Variants in TMEM130 observed in about 807,000 individuals in gnomAD.
TMEM130 encodes transmembrane protein 130.
A neutral mutation model predicts 42.9 loss-of-function variants in TMEM130; 37 were observed. That is an observed-to-expected ratio of 0.86 (90% confidence interval 0.66 to 1.13). TMEM130 has a LOEUF of 1.13. Among genes scored for constraint, TMEM130 ranks in the 50% most tolerant of loss-of-function variants. The probability of loss-of-function intolerance (pLI) is 0.00; values close to 1 mark genes in which losing one functional copy is unlikely to be tolerated. For missense variants in TMEM130, 545 were observed against 562.6 expected, an observed-to-expected ratio of 0.97 and a Z score of 0.32; for synonymous variants, 259 against 237.7, an observed-to-expected ratio of 1.09 and a Z score of -0.82.
chr7:98,853,256 C>A (rs1794552557), intron 5 of TMEM130, among the ~76,000 whole-genome samples: 1 of 152,166 alleles, frequency 6.6e-6, no homozygotes, highest in South Asian at 2.1e-4. Context: ...GTTCATCTTC[C>A]TCTTCCCCTG....
intron 5 of TMEM130, among the ~76,000 whole-genome samples, chr7:98,854,624 C>T (rs182350362): frequency 2.2e-4 from 33 of 152,314 alleles, no homozygotes; most frequent in Middle Eastern, 3.4e-3. Flanking sequence ...GTAGTTCCAG[C>T]CACCCAGGAG....
At chr7:98,861,514 A>G (rs1450873536) in intron 2 of TMEM130, among the ~76,000 whole-genome samples, 1 of 152,128 alleles carries the variant, frequency 6.6e-6, no homozygotes, top group East Asian at 1.9e-4. Flanking sequence ...CAGGAGTTTG[A>G]GACCAGCCTG....
At chr7:98,855,818 TCAGCCACTGCA>T (rs1323014425) in intron 4 of TMEM130, among the ~76,000 whole-genome samples, 188 bp downstream of exon 4, 1 of 152,186 alleles carries the variant, frequency 6.6e-6, no homozygotes, top group African/African-American at 2.4e-5. Flanking sequence ...CAAGGGCCGC[TCAGCCACTGCA>T]CAGCCACATG....
chr7:98,861,304 C>CTCCA (rs1294940766), intron 2 of TMEM130, among the ~76,000 whole-genome samples: 1 of 152,010 alleles, frequency 6.6e-6, no homozygotes, highest in African/African-American at 2.4e-5. Flanking sequence ...CGCCACTGCA[C>CTCCA]TCCAGCCTGG....
In TMEM130 at chr7:98,848,046, G is replaced by C. The variant is rs529489813; in HGVS notation, c.*10C>G. 6.2e-7 allele frequency: 1 copy of C among 1,609,992 alleles called. No individual in the cohort carries two copies. Among genetic ancestry groups the C allele is most frequent in the East Asian group, 2.2e-5 (1 of 44,836 alleles). The stretch of plus-strand genomic sequence containing the variant: ...AGTTAACACTGAGATGGGGTGGGGA[G>C]GGGGAGTGCTCACACGGTGTAAGTT... On this transcript the variant is annotated 3_prime_UTR_variant, in exon 8 of 8. Coordinates refer to ENST00000339375, the MANE Select transcript of TMEM130 (RefSeq NM_152913.3).
rs1299892133 is a variant in TMEM130 at position 98,869,281 on chromosome 7, C to T, written c.85+496G>A. 1 of 1,287,848 alleles carries T rather than the reference C, an allele frequency of 7.8e-7. No homozygotes were observed. Among genetic ancestry groups the T allele is most frequent in the Admixed American group, 2.3e-5 (1 of 43,282 alleles). 79.8% of individuals were successfully genotyped at this position (1,287,848 alleles called of 1,614,324 possible). A position where few individuals can be genotyped will look rare whatever the true frequency, so the allele number is the denominator to read the frequency against. On this transcript the variant is annotated intron_variant, in intron 1 of 7. Coordinates refer to ENST00000339375, the MANE Select transcript of TMEM130 (RefSeq NM_152913.3). This position sits in a 1 kb window ranked among gnomAD's most constrained non-coding sequence, Gnocchi z 4.7. ...AAATGGCAGCCTGGCCTCCTGGGCT[C>T]TAAATTCGCATCTCCCCAAAGCCAG...
Position 98,869,252 on chromosome 7 carries a change from G to T in TMEM130, c.85+525C>A. On this transcript the variant is annotated intron_variant, in intron 1 of 7. Transcript: ENST00000339375. The surrounding 1 kb of genome is among the most constrained non-coding windows in gnomAD (Gnocchi z 4.7). The stretch of plus-strand genomic sequence containing the variant: ...GTCCATTTTGGAAATCACCACCAGA[G>T]AGGAAATGGCAGCCTGGCCTCCTGG... The T allele has an allele frequency of 7.8e-7, 1 of 1,289,070 alleles. No individual in the cohort carries two copies. The highest frequency in any genetic ancestry group is 1.0e-6 in the Non-Finnish European group (1 of 988,748). 79.9% of individuals were successfully genotyped at this position (1,289,070 alleles called of 1,614,324 possible).
intron 6 of TMEM130, among the ~76,000 whole-genome samples, chr7:98,851,061 G>A (rs1794490464): frequency 6.6e-6 from 1 of 152,072 alleles, no homozygotes; most frequent in African/African-American, 2.4e-5. Context: ...TGGCAATGGT[G>A]GTCCTGGAAG....
intron 3 of TMEM130, among the ~76,000 whole-genome samples, chr7:98,858,312 G>T (rs898232050): frequency 1.3e-5 from 2 of 152,258 alleles, no homozygotes; most frequent in African/African-American, 4.8e-5. Flanking sequence ...AGGCTGAGGC[G>T]GGAGGATGGC....
At chr7:98,860,756 A>C (rs2116111469) in intron 2 of TMEM130, among the ~76,000 whole-genome samples, 1 of 151,920 alleles carries the variant, frequency 6.6e-6, no homozygotes, top group Admixed American at 6.6e-5. Flanking sequence ...CAGCCTGGCC[A>C]AGATGGTGAA....
intron 5 of TMEM130, among the ~76,000 whole-genome samples, chr7:98,853,479 T>G (rs2116079269): frequency 6.6e-6 from 1 of 152,190 alleles, no homozygotes. Flanking sequence ...AATACAAAAA[T>G]TAGCCCAGCG....
chr7:98,868,392 C>T (rs1029699027), intron 1 of TMEM130, among the ~76,000 whole-genome samples: 25 of 152,186 alleles, frequency 1.6e-4, no homozygotes, highest in African/African-American at 6.0e-4. Flanking sequence ...CAAAGCTTGG[C>T]CCATGGAAGA....
Position 98,856,151 on chromosome 7 carries a change from T to C in TMEM130, c.584A>G (p.Tyr195Cys), listed in dbSNP as rs781825119. 3.1e-6 allele frequency: 5 copies of C among 1,613,838 alleles called. No homozygotes were observed. The highest frequency in any genetic ancestry group is 1.1e-5 in the South Asian group (1 of 91,076). ...GGTCCCGATGATGGAATAGTTATAA[T>C]AGACCACGGAGTCTTCAGTCACCAT... Reference protein sequence around the residue: ...TQMVTEDSVVYYNYSIIGTFT... With the variant: ...TQMVTEDSVVCYNYSIIGTFT... Residue 195 changes from tyrosine to cysteine, a missense_variant, in exon 4 of 8, where the codon TAT becomes TGT. By Grantham distance (194) the Tyr-to-Cys change is radical. Transcript: ENST00000339375.
Position 98,850,273 on chromosome 7 carries a change from A to ATATATATATATTTTTTTTTTTTTTTTTTT in TMEM130, c.1006+1147_1006+1148insAAAAAAAAAAAAAAAAAAATATATATATA. Among the ~76,000 whole-genome samples, 39 of 35,430 alleles carry ATATATATATATTTTTTTTTTTTTTTTTTT rather than the reference A, an allele frequency of 1.1e-3. 1 individual carries two copies. The highest frequency in any genetic ancestry group is 1.8e-3 in the Non-Finnish European group (29 of 15,786). The allele number at this position is 35,430 out of a possible 152,430, so 23.2% of individuals were successfully genotyped here. ...CTCATATATATATATATATATATAT[A>ATATATATATATTTTTTTTTTTTTTTTTTT]TTTTTTTTTTTTTTTAATTTTTTGA... On this transcript the variant is annotated intron_variant, in intron 6 of 7. Transcript: ENST00000339375.
intron 6 of TMEM130, among the ~76,000 whole-genome samples, chr7:98,850,744 G>GACTCCCTGCA (rs1252307166): frequency 5.3e-5 from 8 of 152,230 alleles, no homozygotes; most frequent in African/African-American, 1.9e-4. Flanking sequence ...CTCCCTGCAA[G>GACTCCCTGCA]ACTCACTACA....
At position 98,850,212 on chromosome 7, in the gene TMEM130, C is replaced by G. The variant is rs113756503; in HGVS notation, c.1006+1209G>C. Among the ~76,000 whole-genome samples, 532 of 140,412 alleles carry G rather than the reference C, an allele frequency of 3.8e-3. 3 individuals carry two copies. The highest frequency in any genetic ancestry group is 0.013 in the African/African-American group (508 of 38,994). 92.1% of individuals were successfully genotyped at this position (140,412 alleles called of 152,430 possible). A position where few individuals can be genotyped will look rare whatever the true frequency, so the allele number is the denominator to read the frequency against. ...GAGACCTACAGGCACACGCCACTCTCTCTCTCTCTCAATCCCTCTCTCTCT... is the reference window on the plus strand; with the variant it reads ...GAGACCTACAGGCACACGCCACTCTGTCTCTCTCTCAATCCCTCTCTCTCT... On this transcript the variant is annotated intron_variant, in intron 6 of 7. Transcript: ENST00000339375.
At position 98,852,749 on chromosome 7, in the gene TMEM130, C is replaced by T. The variant is rs567874176; in HGVS notation, c.804-1126G>A. On this transcript the variant is annotated intron_variant, in intron 5 of 7. Transcript: ENST00000339375. ...AGCTGGGATTACAGGCATGCACCAC[C>T]GTGCCTGGCTAATTTTTGTATTTTT... Among the ~76,000 whole-genome samples the T allele has an allele frequency of 4.1e-4, 62 of 152,196 alleles. 1 individual carries two copies. The highest frequency in any genetic ancestry group is 1.4e-3 in the African/African-American group (60 of 41,554).
intron 6 of TMEM130, among the ~76,000 whole-genome samples, chr7:98,850,999 G>C (rs1176527389): frequency 1.3e-5 from 2 of 152,156 alleles, no homozygotes; most frequent in African/African-American, 4.8e-5. Context: ...ATGTGGGTAG[G>C]GTCGGGGTCA....
chr7:98,849,611 G>A (rs373145434), intron 6 of TMEM130, among the ~76,000 whole-genome samples: 28 of 152,260 alleles, frequency 1.8e-4, no homozygotes, highest in African/African-American at 5.5e-4. Flanking sequence ...TGGGATTGGG[G>A]AAACTGGAGG....
Sources: gnomAD v4.1 joint callset for allele counts (sites outside exome capture counted in the v4.1 genomes callset) on GRCh38, gnomAD v4.1.1 for gene constraint, Gnocchi (gnomAD v3.1) non-coding constraint, MANE v1.5 for transcripts, NCBI Gene and HGNC (gene_info 2026-07-23, HGNC 2026-07-21) for gene names.